The following STK32B variants were observed in gnomAD, a reference collection of about 807,000 sequenced individuals.
STK32B encodes the protein serine/threonine kinase 32B.
A neutral mutation model predicts 52.6 loss-of-function variants in STK32B; 43 were observed. The ratio of observed to expected loss-of-function variants is 0.82; its 90% confidence interval spans 0.64 to 1.05. The LOEUF is 1.05. Ranked by LOEUF, STK32B falls within the 50% of genes least tolerant of loss-of-function variation. STK32B has a pLI of 0.00. For synonymous variants in STK32B, 238 were observed against 204.3 expected (o/e 1.17, Z -1.41); for missense variants, 621 against 534.6 (o/e 1.16, Z -1.59).
At chr4:5,239,600 C>G (rs1282550732) in intron 3 of STK32B, among the ~76,000 whole-genome samples, 1 of 151,998 alleles carries the variant, frequency 6.6e-6, no homozygotes, top group South Asian at 2.1e-4. Context: ...TGAGTGTGCA[C>G]CCAACTGATG....
chr4:5,239,027 A>G (rs914218323), intron 3 of STK32B, among the ~76,000 whole-genome samples: 5 of 152,196 alleles, frequency 3.3e-5, no homozygotes. Context: ...ATTTTGAAGG[A>G]TGAAGGAGTA....
chr4:5,042,274 C>G, the STK32B span, among the ~76,000 whole-genome samples: 1 of 152,230 alleles, frequency 6.6e-6, no homozygotes, highest in African/African-American at 2.4e-5. Flanking sequence ...TCCATGATCT[C>G]TCCATAGTCT....
At chr4:5,289,909 T>C (rs1728786172) in intron 3 of STK32B, among the ~76,000 whole-genome samples, 2 of 151,922 alleles carry the variant, frequency 1.3e-5, no homozygotes, top group African/African-American at 2.4e-5. Context: ...GTTTGTTATA[T>C]AGGTAAATTG....
At chr4:5,034,101 G>A in the STK32B span, among the ~76,000 whole-genome samples, 6 of 152,196 alleles carry the variant, frequency 3.9e-5, no homozygotes, top group South Asian at 2.1e-4. Flanking sequence ...GTTTCCAGGC[G>A]GGGACATAGA....
intron 3 of STK32B, among the ~76,000 whole-genome samples, chr4:5,257,383 G>A (rs75809474): frequency 6.6e-6 from 1 of 152,162 alleles, no homozygotes; most frequent in African/African-American, 2.4e-5. Context: ...GAGTGAATGA[G>A]TGAGTGAATG....
intron 11 of STK32B, 84 bp downstream of exon 11, chr4:5,468,154 C>T (rs1459887423): frequency 7.1e-7 from 1 of 1,411,282 alleles, no homozygotes; most frequent in Non-Finnish European, 1.0e-6. Context: ...GTCCCTGCCC[C>T]CCAAACCGGC....
chr4:5,315,024 A>G (rs1398811788), intron 3 of STK32B, among the ~76,000 whole-genome samples: 1 of 152,204 alleles, frequency 6.6e-6, no homozygotes, highest in Non-Finnish European at 1.5e-5. Flanking sequence ...CTCTGTGAAG[A>G]GGATTAAAAG....
intron 7 of STK32B, among the ~76,000 whole-genome samples, chr4:5,448,422 C>G (rs563095259): frequency 1.3e-5 from 2 of 152,114 alleles, no homozygotes; most frequent in Admixed American, 1.3e-4. Flanking sequence ...CAGAACACAC[C>G]GGCATCCGCC....
chr4:5,435,971 T>C (rs1714032814), intron 6 of STK32B: 1 of 152,280 alleles, frequency 6.6e-6, no homozygotes, highest in Admixed American at 6.5e-5. Flanking sequence ...GGCTGCACCT[T>C]CTGTGAGTTG....
chr4:5,171,227 G>C (rs1318140674), intron 3 of STK32B, among the ~76,000 whole-genome samples: 2 of 152,132 alleles, frequency 1.3e-5, no homozygotes, highest in Non-Finnish European at 2.9e-5. Context: ...AGATGAGTAG[G>C]TTGCGAAAAT....
At chr4:5,236,436 G>A (rs928855787) in intron 3 of STK32B, among the ~76,000 whole-genome samples, 1 of 152,128 alleles carries the variant, frequency 6.6e-6, no homozygotes, top group Non-Finnish European at 1.5e-5. Context: ...ACACACTCAT[G>A]CCCAAACGGG....
At chr4:5,179,694 T>G (rs953127294) in intron 3 of STK32B, among the ~76,000 whole-genome samples, 1 of 152,168 alleles carries the variant, frequency 6.6e-6, no homozygotes, top group African/African-American at 2.4e-5. Context: ...ACTCAGAACT[T>G]TGCACACTAC....
rs752036100 is a variant in STK32B at position 5,230,178 on chromosome 4, C to CTTTTTTTTTTT, written c.260+61749_260+61759dup. ...AGAAGAACACTCAAGCATGCATTCC[C>CTTTTTTTTTTT]TTTTTTTTTTTTTTTTTTTTTTTTT... On this transcript the variant is annotated intron_variant, in intron 3 of 11. Transcript: ENST00000282908. Among the ~76,000 whole-genome samples the CTTTTTTTTTTT allele has an allele frequency of 7.9e-4, 56 of 71,124 alleles. 5 individuals are homozygous for CTTTTTTTTTTT. Among genetic ancestry groups the CTTTTTTTTTTT allele is most frequent in the East Asian group, 1.1e-3 (3 of 2,738 alleles). 46.7% of individuals were successfully genotyped at this position (71,124 alleles called of 152,430 possible).
intron 1 of STK32B, among the ~76,000 whole-genome samples, chr4:5,077,331 C>T (rs927510883): frequency 1.3e-5 from 2 of 152,104 alleles, no homozygotes; most frequent in African/African-American, 4.8e-5. Context: ...TTTCCTTTTA[C>T]AGTCCAACCC....
chr4:5,226,090 G>A (rs912430806), intron 3 of STK32B, among the ~76,000 whole-genome samples: 45 of 152,144 alleles, frequency 3.0e-4, no homozygotes, highest in African/African-American at 9.9e-4. Context: ...GATTAAATAA[G>A]GACATTTTCA....
At chr4:5,455,146 C>A (rs1173000329) in intron 7 of STK32B, among the ~76,000 whole-genome samples, 3 of 150,832 alleles carry the variant, frequency 2.0e-5, no homozygotes, top group African/African-American at 7.4e-5. Flanking sequence ...TTCTCCAGGG[C>A]CTCCTGTTTG....
At chr4:5,408,717 T>A (rs1200418589) in intron 5 of STK32B, among the ~76,000 whole-genome samples, 1 of 152,096 alleles carries the variant, frequency 6.6e-6, no homozygotes, top group Non-Finnish European at 1.5e-5. Context: ...CAGTATTTGA[T>A]ACTGATCTGG....
chr4:5,038,410 G>C, the STK32B span, among the ~76,000 whole-genome samples: 1 of 152,148 alleles, frequency 6.6e-6, no homozygotes, highest in Non-Finnish European at 1.5e-5. Flanking sequence ...CGTGTGTTGG[G>C]CAATTTCAGC....
intron 4 of STK32B, among the ~76,000 whole-genome samples, chr4:5,351,958 A>G (rs1217732746): frequency 6.6e-6 from 1 of 152,064 alleles, no homozygotes; most frequent in Non-Finnish European, 1.5e-5. Flanking sequence ...TTAGTAATAA[A>G]AAGTCTCTCA....
Sources: allele counts gnomAD v4.1 joint callset (sites outside exome capture counted in the v4.1 genomes callset), GRCh38; gene constraint gnomAD v4.1.1; transcripts MANE v1.5; gene names NCBI Gene and HGNC (gene_info 2026-07-23, HGNC 2026-07-21).